Variants in NUP35 observed in about 807,000 individuals in gnomAD.
The protein encoded by NUP35 is nucleoporin NUP35.
Under a neutral mutation model 41.5 loss-of-function variants are expected in NUP35, and 25 were observed. That is an observed-to-expected ratio of 0.60 (90% CI 0.44 to 0.84). NUP35 has a LOEUF of 0.84. Among genes scored for constraint, NUP35 ranks in the 40% least tolerant of loss-of-function variants. NUP35 has a pLI of 0.00. For synonymous variants in NUP35, 149 were observed against 130.7 expected, an observed-to-expected ratio of 1.14 and a Z score of -0.96; for missense variants, 396 against 396.6, an observed-to-expected ratio of 1.00 and a Z score of 0.01.
At chr2:183,123,796 C>T (rs1258399816), upstream of NUP35, 1 of 985,200 alleles carries the variant, frequency 1.0e-6, no homozygotes, top group East Asian at 1.1e-4. Flanking sequence ...TGCAGAAGCA[C>T]GCAAGATTCC....
intron 4 of NUP35, among the ~76,000 whole-genome samples, chr2:183,139,529 T>A (rs1685012250): frequency 6.6e-6 from 1 of 152,170 alleles, no homozygotes; most frequent in Non-Finnish European, 1.5e-5. Flanking sequence ...GAGGGGAGAC[T>A]CTGAAGGAGA....
At chr2:183,133,758 T>A in intron 4 of NUP35, 135 bp downstream of exon 4, 1 of 542,186 alleles carries the variant, frequency 1.8e-6, no homozygotes, top group African/African-American at 2.0e-5. Context: ...CGAATGAATT[T>A]AATATAAAAT....
In NUP35 at chr2:183,151,541, A is replaced by C; in HGVS notation, c.431A>C (p.Gln144Pro). ...QSMFSPASIG[Q>P]PRKTTLSPAQ... The stretch of plus-strand genomic sequence containing the variant: ...ATGTTTAGTCCAGCAAGTATCGGTC[A>C]GCCACGAAAGACGACATTATCTCCT... The change falls in exon 5 of 9, where the codon CAG becomes CCG. Residue 144 changes from glutamine to proline, a missense_variant. Transcript: ENST00000295119. 1 of 1,614,092 alleles carries C rather than the reference A, an allele frequency of 6.2e-7. No individual in the cohort carries two copies. Among genetic ancestry groups the C allele is most frequent in the Non-Finnish European group, 8.5e-7 (1 of 1,179,934 alleles).
intron 4 of NUP35, among the ~76,000 whole-genome samples, chr2:183,144,804 T>C (rs12994342): frequency 6.6e-6 from 1 of 152,100 alleles, no homozygotes. Flanking sequence ...GGGGCAATTA[T>C]GCTAAAGTTA....
chr2:183,155,592 T>TG (rs1685631904), intron 5 of NUP35, among the ~76,000 whole-genome samples: 1 of 151,772 alleles, frequency 6.6e-6, no homozygotes, highest in Admixed American at 6.6e-5. Context: ...TTTTTTTTTT[T>TG]TGAGACAATC....
At chr2:183,139,841 C>T (rs1685023144) in intron 4 of NUP35, among the ~76,000 whole-genome samples, 1 of 152,096 alleles carries the variant, frequency 6.6e-6, no homozygotes, top group Non-Finnish European at 1.5e-5. Flanking sequence ...CTTTGGGCCT[C>T]CATAATTTGT....
intron 4 of NUP35, among the ~76,000 whole-genome samples, chr2:183,143,880 A>G (rs565236089): frequency 1.7e-4 from 26 of 152,294 alleles, no homozygotes; most frequent in Admixed American, 1.6e-3. Context: ...ACCATTCAAT[A>G]TGCTTTTTCG....
At chr2:183,158,500 T>C in intron 7 of NUP35, 89 bp downstream of exon 7, 1 of 1,176,372 alleles carries the variant, frequency 8.5e-7, no homozygotes, top group Non-Finnish European at 1.2e-6. Context: ...GTCACTTGGT[T>C]TCACTGTGTC....
intron 3 of NUP35, among the ~76,000 whole-genome samples, chr2:183,131,752 AT>A (rs1256713939): frequency 1.3e-5 from 2 of 152,198 alleles, no homozygotes; most frequent in African/African-American, 2.4e-5. Flanking sequence ...ACATATTGAA[AT>A]GATAATGTTT....
chr2:183,159,676 A>C, intron 8 of NUP35, 24 bp downstream of exon 8: 1 of 1,589,532 alleles, frequency 6.3e-7, no homozygotes, highest in Non-Finnish European at 8.6e-7. Flanking sequence ...TGGATAAAAA[A>C]AGATGTACTT....
intron 5 of NUP35, among the ~76,000 whole-genome samples, chr2:183,154,511 G>A (rs1440658140): frequency 6.6e-6 from 1 of 152,092 alleles, no homozygotes; most frequent in Non-Finnish European, 1.5e-5. Context: ...AATCTCTAGG[G>A]TGGGGCAAAA....
At chr2:183,134,865 C>T (rs1362091371) in intron 4 of NUP35, among the ~76,000 whole-genome samples, 1 of 151,438 alleles carries the variant, frequency 6.6e-6, no homozygotes, top group African/African-American at 2.4e-5. Flanking sequence ...ACCTTGTGAT[C>T]TACCCACCTC....
At chr2:183,124,147 G>C (rs200140772), upstream of NUP35, among the ~76,000 whole-genome samples, 4 of 152,328 alleles carry the variant, frequency 2.6e-5, no homozygotes, top group East Asian at 7.7e-4. Context: ...ATGAAACCGT[G>C]AGTAAAATAA....
At position 183,157,503 on chromosome 2, in the gene NUP35, TA is replaced by T; in HGVS notation, c.603del (p.Lys201AsnfsTer3). 1.2e-6 allele frequency: 2 copies of T among 1,608,122 alleles called. No homozygotes were observed. Among genetic ancestry groups the T allele is most frequent in the South Asian group, 2.2e-5 (2 of 90,810 alleles). On this transcript the variant is annotated frameshift_variant, in exon 6 of 9. Coordinates refer to ENST00000295119, the MANE Select transcript of NUP35 (RefSeq NM_138285.5). LOFTEE classifies it high-confidence loss of function. ...CAATTTGCACAGTATGGGAATATCT[TA>T]AAACATGTGGTAAGGCTTAATTTTT... ...LLQFAQYGNI[L>X]KHVMSNTGNW...
In NUP35 at chr2:183,130,937, A is replaced by G. The variant is rs572951298; in HGVS notation, c.339+392A>G. 1.9e-5 allele frequency: 22 copies of G among 1,151,246 alleles called. No individual in the cohort carries two copies. The South Asian group carries it at 3.1e-4, about 16-fold the overall frequency. The allele number at this position is 1,151,246 out of a possible 1,614,324, so 71.3% of individuals were successfully genotyped here. A position where few individuals can be genotyped will look rare whatever the true frequency, so the allele number is the denominator to read the frequency against. On this transcript the variant is annotated intron_variant, in intron 3 of 8. Transcript: ENST00000295119. ...AAAATTTAGAGTTTCATCTAGATCT[A>G]GGGCACTCGTCAGCTGAGAAGTAGT... is the stretch of plus-strand genomic sequence containing the variant.
intron 3 of NUP35, chr2:183,131,146 ATT>A: frequency 1.7e-5 from 4 of 229,172 alleles, no homozygotes; most frequent in South Asian, 4.9e-5. Flanking sequence ...GGCTAATTGT[ATT>A]TTTTTTTGTA....
chr2:183,155,462 A>G (rs1162271364), intron 5 of NUP35, among the ~76,000 whole-genome samples: 1 of 151,996 alleles, frequency 6.6e-6, no homozygotes, highest in Non-Finnish European at 1.5e-5. Context: ...GGGTCATTGC[A>G]TTCCGTTGTT....
chr2:183,137,942 A>G (rs1242996405), intron 4 of NUP35, among the ~76,000 whole-genome samples: 1 of 151,980 alleles, frequency 6.6e-6, no homozygotes, highest in Admixed American at 6.6e-5. Context: ...TTGTTAACTT[A>G]TTTTTTTCTA....
Position 183,161,082 on chromosome 2 carries a change from A to G in NUP35, c.932A>G (p.Lys311Arg). The G allele has an allele frequency of 6.2e-7, 1 of 1,613,610 alleles. No homozygotes were observed. Among genetic ancestry groups the G allele is most frequent in the Non-Finnish European group, 8.5e-7 (1 of 1,179,690 alleles). The change falls in exon 9 of 9, where the codon AAA becomes AGA. Residue 311 changes from lysine (K) to arginine (R), a missense_variant. Transcript: ENST00000295119. ...QVISDRQTPK[K>R]DESLVSKAME... ...ATTTCTGACAGACAAACGCCAAAAAAAGATGAAAGTCTTGTATCCAAAGCA... is the reference window on the plus strand; with the variant it reads ...ATTTCTGACAGACAAACGCCAAAAAGAGATGAAAGTCTTGTATCCAAAGCA...
Sources: gnomAD v4.1 joint callset for allele counts (sites outside exome capture counted in the v4.1 genomes callset) on GRCh38, gnomAD v4.1.1 for gene constraint, MANE v1.5 for transcripts, NCBI Gene and HGNC (gene_info 2026-07-23, HGNC 2026-07-21) for gene names.